Variants in GMEB2 observed in about 807,000 individuals in gnomAD.
The protein encoded by GMEB2 is glucocorticoid modulatory element binding protein 2, also known as glucocorticoid modulatory element-binding protein 2.
A neutral mutation model predicts 45.7 loss-of-function variants in GMEB2; 7 were observed. The observed-to-expected ratio is 0.15, with a 90% confidence interval of 0.09 to 0.29. The LOEUF (loss-of-function observed/expected upper bound fraction) is 0.29. GMEB2 is among the 10% of genes least tolerant of loss of function. The probability of loss-of-function intolerance (pLI) is 1.00; values close to 1 mark genes in which losing one functional copy is unlikely to be tolerated. For synonymous variants in GMEB2, 322 were observed against 323.6 expected (o/e 1.00, Z 0.05); for missense variants, 582 against 739.2 (o/e 0.79, Z 2.47).
chr20:63,602,218 G>C (rs1477129469), intron 4 of GMEB2, among the ~76,000 whole-genome samples: 3 of 152,240 alleles, frequency 2.0e-5, no homozygotes, highest in Non-Finnish European at 4.4e-5. Flanking sequence ...GACACTCTCA[G>C]CTTGAGGCTT....
chr20:63,588,725 A>G lies in GMEB2; in HGVS notation c.*1364T>C. 2.5e-6 allele frequency: 1 copy of G among 398,658 alleles called. No homozygotes were observed. Among genetic ancestry groups the G allele is most frequent in the East Asian group, 3.6e-5 (1 of 28,112 alleles). 24.7% of individuals were successfully genotyped at this position (398,658 alleles called of 1,614,324 possible). A position where few individuals can be genotyped will look rare whatever the true frequency, so the allele number is the denominator to read the frequency against. On this transcript the variant is annotated 3_prime_UTR_variant, in exon 10 of 10. Transcript: ENST00000370077. ...ATTGCGGGGCCTCAGACGGGCCTTC[A>G]ACTGCCGACAGAATCAGCAGGAGCG...
intron 1 of GMEB2, among the ~76,000 whole-genome samples, chr20:63,626,523 G>A (rs1226949546): frequency 6.7e-6 from 1 of 148,962 alleles, no homozygotes; most frequent in Non-Finnish European, 1.5e-5. Context: ...TGTGGGTCGC[G>A]TCCCTGTGGG....
chr20:63,598,343 G>GACACAC (rs67747559), intron 4 of GMEB2, among the ~76,000 whole-genome samples: 10,282 of 146,002 alleles, frequency 0.07, 508 homozygotes, highest in African/African-American at 0.13. Flanking sequence ...CTCTCACTCT[G>GACACAC]ACACACACAC....
rs1342935864 is a variant in GMEB2 at position 63,593,319 on chromosome 20, T to G, written c.620-237A>C. Among the ~76,000 whole-genome samples, 3 of 152,144 alleles carry G rather than the reference T, an allele frequency of 2.0e-5. No homozygotes were observed. The highest frequency in any genetic ancestry group is 4.8e-5 in the African/African-American group (2 of 41,440). On this transcript the variant is annotated intron_variant, in intron 6 of 9. Coordinates refer to ENST00000370077, the MANE Select transcript of GMEB2 (RefSeq NM_012384.5). This position sits in a 1 kb window ranked among gnomAD's most constrained non-coding sequence, Gnocchi z 4.7. ...GAGAAACAACGCAGAAACAAATCCC[T>G]TGAACCCGTCACCCAATTTCAGCAA...
chr20:63,603,122 T>G, intron 3 of GMEB2, 30 bp from the exon 4 acceptor site: 2 of 1,612,370 alleles, frequency 1.2e-6, no homozygotes, highest in Non-Finnish European at 1.7e-6. Flanking sequence ...CAGGGAAGGG[T>G]AAAAGCAGAA....
chr20:63,597,911 G>A, intron 4 of GMEB2, 51 bp from the exon 5 acceptor site: 1 of 1,067,212 alleles, frequency 9.4e-7, no homozygotes, highest in Non-Finnish European at 1.5e-6. Flanking sequence ...CACCACATAG[G>A]GTGCCCCCAT....
At chr20:63,626,426 T>G (rs1164159538) in intron 1 of GMEB2, among the ~76,000 whole-genome samples, 1 of 45,024 alleles carries the variant, frequency 2.2e-5, no homozygotes, top group Admixed American at 1.7e-4. Flanking sequence ...GTCGGGTGCC[T>G]GCGGGGTGGC....
At chr20:63,611,654 G>A (rs1048490863) in intron 2 of GMEB2, among the ~76,000 whole-genome samples, 6 of 150,938 alleles carry the variant, frequency 4.0e-5, no homozygotes, top group East Asian at 2.0e-4. Flanking sequence ...GTGTGATCTC[G>A]CAAGGAACAT....
At chr20:63,614,656 C>T (rs1198783279) in intron 2 of GMEB2, among the ~76,000 whole-genome samples, 5 of 152,200 alleles carry the variant, frequency 3.3e-5, no homozygotes, top group East Asian at 1.9e-4. Flanking sequence ...TCAGTGGTCA[C>T]GCTCCTAGTC....
chr20:63,621,405 GTGGCTCACGCC>G (rs1213933456), intron 1 of GMEB2, among the ~76,000 whole-genome samples: 1 of 152,082 alleles, frequency 6.6e-6, no homozygotes, highest in African/African-American at 2.4e-5. Context: ...GCTGGGCGTG[GTGGCTCACGCC>G]TGTAATCCCA....
rs565257194 is a variant in GMEB2, at chr20:63,591,230, A to T, written c.953-501T>A. Among the ~76,000 whole-genome samples the T allele has an allele frequency of 1.2e-4, 18 of 152,164 alleles. No homozygotes were observed. The East Asian group carries it at 3.5e-3, about 29-fold the overall frequency. ...ATGAACACAAACAGTGAACACACAA[A>T]GTGAAGAGTGAACACACAGTGCACA... On this transcript the variant is annotated intron_variant, in intron 9 of 9. Coordinates refer to ENST00000370077, the MANE Select transcript of GMEB2 (RefSeq NM_012384.5).
Position 63,619,669 on chromosome 20 carries a change from C to T in GMEB2, c.-57-215G>A. The T allele has an allele frequency of 3.3e-6, 1 of 298,632 alleles. No individual in the cohort carries two copies. Among genetic ancestry groups the T allele is most frequent in the Non-Finnish European group, 6.4e-6 (1 of 156,922 alleles). The allele number at this position is 298,632 out of a possible 1,614,324, so 18.5% of individuals were successfully genotyped here. A position where few individuals can be genotyped will look rare whatever the true frequency, so the allele number is the denominator to read the frequency against. ...CCACCCGTTTTTCCCACTGGATAAGCCGAAACCCTTGGGTAGAAAGCACAG... is the reference window on the plus strand; with the variant it reads ...CCACCCGTTTTTCCCACTGGATAAGTCGAAACCCTTGGGTAGAAAGCACAG... On this transcript the variant is annotated intron_variant, in intron 1 of 9. Transcript: ENST00000370077. The surrounding 1 kb of genome is among the most constrained non-coding windows in gnomAD (Gnocchi z 4.6).
chr20:63,606,958 C>A (rs1403120461), intron 2 of GMEB2, among the ~76,000 whole-genome samples: 1 of 152,190 alleles, frequency 6.6e-6, no homozygotes. Context: ...GCCCAGGACG[C>A]AGGACTCCAA....
At chr20:63,610,981 A>G (rs1342753655) in intron 2 of GMEB2, among the ~76,000 whole-genome samples, 1 of 152,152 alleles carries the variant, frequency 6.6e-6, no homozygotes, top group African/African-American at 2.4e-5. Flanking sequence ...CAGCCCACCA[A>G]TGCCCGGATA....
In GMEB2 at chr20:63,590,425, G is replaced by A. The variant is rs777554394; in HGVS notation, c.1257C>T (p.Pro419=). 1.8e-5 allele frequency: 28 copies of A among 1,555,360 alleles called. No individual in the cohort carries two copies. The highest frequency in any genetic ancestry group is 2.3e-5 in the South Asian group (2 of 85,434). ...VLGKGSLQAP[P]ASSPASPLLG... is the part of the protein sequence containing the mutation. The stretch of plus-strand genomic sequence containing the variant: ...GCAGCGGGGAGGCCGGGGAGCTGGC[G>A]GGGGGCGCCTGAAGGGAACCCTTGC... The change falls in exon 10 of 10, where the codon CCC becomes CCT. Residue 419 remains proline (P), a synonymous_variant. Coordinates refer to ENST00000370077, the MANE Select transcript of GMEB2 (RefSeq NM_012384.5).
At chr20:63,626,046 G>A (rs1486622010) in intron 1 of GMEB2, among the ~76,000 whole-genome samples, 1 of 152,286 alleles carries the variant, frequency 6.6e-6, no homozygotes, top group Admixed American at 6.5e-5. Flanking sequence ...GAATTACACA[G>A]TAACCAAATA....
In GMEB2 at chr20:63,619,641, A is replaced by C. The variant is rs1601034551; in HGVS notation, c.-57-187T>G. ...CTGGTTCCGAGGGCGGTGTAAGCGC[A>C]CTCCACCCGTTTTTCCCACTGGATA... On this transcript the variant is annotated intron_variant, in intron 1 of 9. Transcript: ENST00000370077. This position sits in a 1 kb window ranked among gnomAD's most constrained non-coding sequence, Gnocchi z 4.6. The C allele has an allele frequency of 2.8e-6, 1 of 359,218 alleles. No individual in the cohort carries two copies. The highest frequency in any genetic ancestry group is 5.1e-6 in the Non-Finnish European group (1 of 194,646). 22.3% of individuals were successfully genotyped at this position (359,218 alleles called of 1,614,324 possible).
At chr20:63,596,191 C>G (rs1349462524) in intron 5 of GMEB2, among the ~76,000 whole-genome samples, 2 of 152,242 alleles carry the variant, frequency 1.3e-5, no homozygotes, top group South Asian at 4.1e-4. Flanking sequence ...TCCAGGAGAA[C>G]CTTCCTCCTT....
chr20:63,591,047 G>A (rs1317380356), intron 9 of GMEB2, among the ~76,000 whole-genome samples: 9 of 152,196 alleles, frequency 5.9e-5, no homozygotes, highest in Non-Finnish European at 1.2e-4. Context: ...GCGTGCAAGC[G>A]TGGAAATGCC....
Sources: allele counts gnomAD v4.1 joint callset (sites outside exome capture counted in the v4.1 genomes callset), GRCh38; gene constraint gnomAD v4.1.1; non-coding constraint Gnocchi (gnomAD v3.1); transcripts MANE v1.5; gene names NCBI Gene and HGNC (gene_info 2026-07-23, HGNC 2026-07-21).